Variants in DLX2 observed in about 807,000 individuals in gnomAD.
The protein encoded by DLX2 is distal-less homeobox 2.
Under a neutral mutation model 27.4 loss-of-function variants are expected in DLX2, and 8 were observed. The ratio of observed to expected loss-of-function variants is 0.29; its 90% CI spans 0.17 to 0.53. DLX2 has a LOEUF of 0.53. Ranked by LOEUF, DLX2 falls within the 20% of genes least tolerant of loss-of-function variation. The probability of loss-of-function intolerance (pLI) is 0.96; values close to 1 mark genes in which losing one functional copy is unlikely to be tolerated. For synonymous variants in DLX2, 210 were observed against 200.8 expected (o/e 1.05, Z -0.39); for missense variants, 421 against 450.9 (o/e 0.93, Z 0.60).
At position 172,100,636 on chromosome 2, in the gene DLX2, C is replaced by G; in HGVS notation, c.894G>C (p.Pro298=). The part of the protein sequence containing the change: ...GSASHLQATA[P]LLHPTQTPQP... ...GCGGGGTCTGAGTGGGGTGCAGCAG[C>G]GGCGCCGTGGCCTGCAGGTGTGAGG... is the stretch of plus-strand genomic sequence containing the variant. Residue 298 remains proline (P), a synonymous_variant, in exon 3 of 3, where the codon CCG becomes CCC. Transcript: ENST00000234198. The surrounding 1 kb of genome is among the most constrained non-coding windows in gnomAD (Gnocchi z 4.5). 2 of 1,564,558 alleles carry G rather than the reference C, an allele frequency of 1.3e-6. No homozygotes were observed. Among genetic ancestry groups the G allele is most frequent in the South Asian group, 1.2e-5 (1 of 84,304 alleles).
Position 172,102,365 on chromosome 2 carries a change from C to T in DLX2, c.174G>A (p.Val58=). ...HKPQESPTLP[V]STATDSSYYT... is the part of the protein sequence containing the mutation. ...AGTAGCTGCTGTCGGTGGCGGTGGACACCGGAAGGGTGGGCGACTCCTGGG... is the reference window on the plus strand; with the variant it reads ...AGTAGCTGCTGTCGGTGGCGGTGGATACCGGAAGGGTGGGCGACTCCTGGG... Residue 58 remains valine (V), a synonymous_variant, in exon 1 of 3, where the codon GTG becomes GTA. Coordinates refer to ENST00000234198, the MANE Select transcript of DLX2 (RefSeq NM_004405.4). The T allele has an allele frequency of 6.4e-7, 1 of 1,573,482 alleles. No homozygotes were observed. Among genetic ancestry groups the T allele is most frequent in the South Asian group, 1.1e-5 (1 of 87,204 alleles).
At position 172,102,168 on chromosome 2, in the gene DLX2, G is replaced by T. The variant is rs1250183401; in HGVS notation, c.371C>A (p.Thr124Asn). 5 of 1,613,876 alleles carry T rather than the reference G, an allele frequency of 3.1e-6. No individual in the cohort carries two copies. Among genetic ancestry groups the T allele is most frequent in the Non-Finnish European group, 4.2e-6 (5 of 1,179,926 alleles). Reference protein sequence around the residue: ...AAYTSYAPYGTSSSPANNEPE... With the variant: ...AAYTSYAPYGNSSSPANNEPE... Reference sequence around the variant, plus strand: ...CTCGTTGTTGGCTGGGGACGAACTGGTTCCATAGGGAGCGTAGGAGGTGTA... The same window carrying T: ...CTCGTTGTTGGCTGGGGACGAACTGTTTCCATAGGGAGCGTAGGAGGTGTA... The change falls in exon 1 of 3, where the codon ACC (threonine) becomes AAC (asparagine). Residue 124 changes from threonine (T) to asparagine (N), a missense_variant. Physicochemically the swap from Thr to Asn is moderately conservative, Grantham distance 65. Around this residue, in one of 5 missense-constraint regions of DLX2, gnomAD observed 141 missense variants for 123.5 expected, o/e 1.14. Coordinates refer to ENST00000234198, the MANE Select transcript of DLX2 (RefSeq NM_004405.4).
rs765989902 is a variant in DLX2, at chr2:172,100,922, C to T, written c.608G>A (p.Arg203His). ...CCACATCTTCTTGAACTTGGACCGG[C>T]GGTTCTGGAACCAGATTTTGACCTT... ...QTQVKIWFQNRRSKFKKMWKS... is the reference protein window; with the variant it reads ...QTQVKIWFQNHRSKFKKMWKS... Residue 203 changes from arginine to histidine, a missense_variant, in exon 3 of 3, where the codon CGC becomes CAC. This residue lies in a region of DLX2 where 36 missense variants were observed against 73.6 expected (regional missense o/e 0.49). Transcript: ENST00000234198. The surrounding 1 kb of genome is among the most constrained non-coding windows in gnomAD (Gnocchi z 4.5). 2 of 1,612,322 alleles carry T rather than the reference C, an allele frequency of 1.2e-6. No individual in the cohort carries two copies. Among genetic ancestry groups the T allele is most frequent in the Non-Finnish European group, 1.7e-6 (2 of 1,179,768 alleles).
chr2:172,101,441 C>T (rs978644580), intron 2 of DLX2, 21 bp downstream of exon 2: 3 of 1,582,334 alleles, frequency 1.9e-6, no homozygotes, highest in African/African-American at 2.7e-5. Flanking sequence ...TCTCCTCGCC[C>T]CTGCAGGGCG....
rs1691132759 is a variant in DLX2, at chr2:172,100,553, G to A, written c.977C>T (p.Thr326Met). Residue 326 changes from threonine to methionine, a missense_variant, in exon 3 of 3, where the codon ACG becomes ATG. Thr to Met is a moderately conservative substitution (Grantham distance 81). Transcript: ENST00000234198. This position sits in a 1 kb window ranked among gnomAD's most constrained non-coding sequence, Gnocchi z 4.5. ...GGGGAPVSAGTIF is the reference protein window; with the variant it reads ...GGGGAPVSAGMIF Reference sequence around the variant, plus strand: ...GAGTTCTCCCTGGGGTTAGAAAATCGTCCCCGCGCTCACCGGGGCGCCCCC... The same window carrying A: ...GAGTTCTCCCTGGGGTTAGAAAATCATCCCCGCGCTCACCGGGGCGCCCCC... 6.4e-7 allele frequency: 1 copy of A among 1,574,322 alleles called. No homozygotes were observed. The highest frequency in any genetic ancestry group is 1.4e-5 in the African/African-American group (1 of 71,140).
At position 172,102,600 on chromosome 2, in the gene DLX2, CTG is replaced by C; in HGVS notation, c.-64_-63del. 1 of 1,435,638 alleles carries C rather than the reference CTG, an allele frequency of 7.0e-7. No homozygotes were observed. The highest frequency in any genetic ancestry group is 9.2e-7 in the Non-Finnish European group (1 of 1,084,694). 88.9% of individuals were successfully genotyped at this position (1,435,638 alleles called of 1,614,324 possible). ...GTGCGGGGGAAGCCAGGCGCCTCCTCTGTCTCTCCCGGTCCCCTCCAGCAGCC... is the reference window on the plus strand; with the variant it reads ...GTGCGGGGGAAGCCAGGCGCCTCCTCTCTCTCCCGGTCCCCTCCAGCAGCC... On this transcript the variant is annotated 5_prime_UTR_variant, in exon 1 of 3. Coordinates refer to ENST00000234198, the MANE Select transcript of DLX2 (RefSeq NM_004405.4).
chr2:172,102,892 C>G lies in DLX2; in HGVS notation c.-354G>C, dbSNP rs988675845. 1.1e-4 allele frequency: 28 copies of G among 259,740 alleles called. No homozygotes were observed. Among genetic ancestry groups the G allele is most frequent in the Admixed American group, 4.1e-4 (8 of 19,570 alleles). 16.1% of individuals were successfully genotyped at this position (259,740 alleles called of 1,614,324 possible). A position where few individuals can be genotyped will look rare whatever the true frequency, so the allele number is the denominator to read the frequency against. Reference sequence around the variant, plus strand: ...AGGTGAGCGGCCCCGAGCGGCTTTACGATTGTCTGCCAGGCGGGCTCCTGA... The same window carrying G: ...AGGTGAGCGGCCCCGAGCGGCTTTAGGATTGTCTGCCAGGCGGGCTCCTGA... On this transcript the variant is annotated 5_prime_UTR_variant, in exon 1 of 3. Transcript: ENST00000234198.
At chr2:172,101,202 G>A (rs1691150919) in intron 2 of DLX2, 2 of 612,442 alleles carry the variant, frequency 3.3e-6, no homozygotes, top group Admixed American at 6.1e-5. Context: ...GGTGAGGAGG[G>A]CCAGTTATTT....
Position 172,102,464 on chromosome 2 carries a change from C to CTGG in DLX2, c.72_74dup (p.His24dup). The CTGG allele has an allele frequency of 6.5e-7, 1 of 1,549,942 alleles. No individual in the cohort carries two copies. Among genetic ancestry groups the CTGG allele is most frequent in the South Asian group, 1.2e-5 (1 of 84,010 alleles). On this transcript the variant is annotated inframe_insertion, in exon 1 of 3. Transcript: ENST00000234198. ...CGCCGCCGCTCGGGGGCTGCTGGTG[C>CTGG]TGGTGGTACGTGCTGGAGGCGGCGA...
chr2:172,101,579 G>A lies in DLX2; in HGVS notation c.468C>T (p.Arg156=), dbSNP rs1161437248. 6.2e-7 allele frequency: 1 copy of A among 1,614,256 alleles called. No homozygotes were observed. The highest frequency in any genetic ancestry group is 8.5e-7 in the Non-Finnish European group (1 of 1,180,034). The change falls in exon 2 of 3, where the codon CGC becomes CGT. Residue 156 remains arginine, a synonymous_variant. Coordinates refer to ENST00000234198, the MANE Select transcript of DLX2 (RefSeq NM_004405.4). Reference sequence around the variant, plus strand: ...CCAGCTGGAAACTGGAGTAGATGGTGCGGGGTTTCCGGACTTTCTTTGGCT... The same window carrying A: ...CCAGCTGGAAACTGGAGTAGATGGTACGGGGTTTCCGGACTTTCTTTGGCT... The part of the protein sequence containing the change: ...NGKPKKVRKP[R]TIYSSFQLAA...
chr2:172,101,781 G>T, intron 1 of DLX2, 135 bp from the exon 2 acceptor site: 2 of 1,025,764 alleles, frequency 1.9e-6, no homozygotes, highest in Non-Finnish European at 2.8e-6. Flanking sequence ...ACGGGCAGGC[G>T]CAACTTCGCA....
chr2:172,100,960 C>G lies in DLX2; in HGVS notation c.586-16G>C. On this transcript the variant is annotated splice_polypyrimidine_tract_variant and intron_variant, in intron 2 of 2. Transcript: ENST00000234198. The surrounding 1 kb of genome is among the most constrained non-coding windows in gnomAD (Gnocchi z 4.5). ...AGATTTTGACCTTTGAGGAAAAAGA[C>G]CTGAGCATTAGTGGAGGAACCTAGT... 6.2e-7 allele frequency: 1 copy of G among 1,608,806 alleles called. No individual in the cohort carries two copies. Among genetic ancestry groups the G allele is most frequent in the Non-Finnish European group, 8.5e-7 (1 of 1,178,514 alleles).
At position 172,100,736 on chromosome 2, in the gene DLX2, G is replaced by A; in HGVS notation, c.794C>T (p.Ser265Leu). 2 of 1,550,078 alleles carry A rather than the reference G, an allele frequency of 1.3e-6. No individual in the cohort carries two copies. Among genetic ancestry groups the A allele is most frequent in the Non-Finnish European group, 1.7e-6 (2 of 1,152,880 alleles). Residue 265 changes from serine (S) to leucine (L), a missense_variant, in exon 3 of 3, where the codon TCG becomes TTG. By Grantham distance (145) the Ser-to-Leu change is moderately radical (BLOSUM62 -2). This residue lies in a region of DLX2 where 185 missense variants were observed against 171.1 expected (regional missense o/e 1.08). Transcript: ENST00000234198. The surrounding 1 kb of genome is among the most constrained non-coding windows in gnomAD (Gnocchi z 4.5). ...PGSGGSGAGS[S>L]GSSPSSAASA... ...GGCCGCGCTGCTCGGGCTGGAGCCC[G>A]AGCTGCCGGCGCCGCTGCCGCCACT... is the stretch of plus-strand genomic sequence containing the variant.
intron 2 of DLX2, 40 bp downstream of exon 2, chr2:172,101,422 G>C (rs12616215): frequency 2.6e-6 from 4 of 1,557,486 alleles, no homozygotes; most frequent in Non-Finnish European, 2.6e-6. Context: ...AGCCATCTCA[G>C]GCCCGCGCTC....
In DLX2 at chr2:172,101,633, A is replaced by G. The variant is rs2105533430; in HGVS notation, c.414T>C (p.Leu138=). Residue 138 remains leucine, a synonymous_variant, in exon 2 of 3, where the codon CTT becomes CTC. Coordinates refer to ENST00000234198, the MANE Select transcript of DLX2 (RefSeq NM_004405.4). ...PANNEPEKED[L]EPEIRIVNGK... ...CGTTCACTATCCGAATTTCAGGCTC[A>G]AGGTCCTCCTTCTCTGCAACGATAA... 2 of 1,614,184 alleles carry G rather than the reference A, an allele frequency of 1.2e-6. No individual in the cohort carries two copies. Among genetic ancestry groups the G allele is most frequent in the African/African-American group, 1.3e-5 (1 of 75,074 alleles).
intron 2 of DLX2, 100 bp downstream of exon 2, chr2:172,101,362 G>A: frequency 7.7e-7 from 1 of 1,298,908 alleles, no homozygotes; most frequent in Non-Finnish European, 1.0e-6. Context: ...ATCCTTAAAA[G>A]TACTTAAAAT....
At position 172,102,763 on chromosome 2, in the gene DLX2, C is replaced by T. The variant is rs1691189483; in HGVS notation, c.-225G>A. 1 of 491,384 alleles carries T rather than the reference C, an allele frequency of 2.0e-6. No individual in the cohort carries two copies. The highest frequency in any genetic ancestry group is 3.5e-6 in the Non-Finnish European group (1 of 284,936). The allele number at this position is 491,384 out of a possible 1,614,324, so 30.4% of individuals were successfully genotyped here. A position where few individuals can be genotyped will look rare whatever the true frequency, so the allele number is the denominator to read the frequency against. ...GTCGCATCCTCTTTCGGCCTCTGGG[C>T]CCGCTCGGCTCCTTGCCCAGCGCGA... is the stretch of plus-strand genomic sequence containing the variant. On this transcript the variant is annotated 5_prime_UTR_variant, in exon 1 of 3. Transcript: ENST00000234198.
chr2:172,102,711 G>T lies in DLX2; in HGVS notation c.-173C>A. The T allele has an allele frequency of 1.6e-6, 1 of 636,378 alleles. No individual in the cohort carries two copies. The allele number at this position is 636,378 out of a possible 1,614,324, so 39.4% of individuals were successfully genotyped here. A position where few individuals can be genotyped will look rare whatever the true frequency, so the allele number is the denominator to read the frequency against. ...TCCTCCTCCGGGGGAGGCGATCACC[G>T]TGCGCTGCTCGGGACAGCTGCCTCT... is the stretch of plus-strand genomic sequence containing the variant. On this transcript the variant is annotated 5_prime_UTR_variant, in exon 1 of 3. Coordinates refer to ENST00000234198, the MANE Select transcript of DLX2 (RefSeq NM_004405.4).
At chr2:172,101,098 C>G (rs1691148035) in intron 2 of DLX2, 154 bp from the exon 3 acceptor site, 1 of 802,546 alleles carries the variant, frequency 1.2e-6, no homozygotes, top group African/African-American at 1.8e-5. Flanking sequence ...CGGCGGCCTT[C>G]GAGGCTCTGC....
Sources: allele counts gnomAD v4.1 joint callset, GRCh38; gene constraint gnomAD v4.1.1; regional missense constraint gnomAD v4.1.1; non-coding constraint Gnocchi (gnomAD v3.1); transcripts MANE v1.5; gene names NCBI Gene and HGNC (gene_info 2026-07-23, HGNC 2026-07-21).